HDAC9: variants seen among roughly 807,000 people sequenced by gnomAD.
HDAC9 encodes the protein histone deacetylase 9.
In HDAC9, 41 loss-of-function variants were observed where a neutral mutation model predicts 139.4. The observed-to-expected ratio is 0.29, with a 90% CI of 0.23 to 0.38. The LOEUF (loss-of-function observed/expected upper bound fraction) is 0.38, where lower values mean the gene tolerates loss of function less well. HDAC9 is among the 10% of genes least tolerant of loss of function. HDAC9 has a pLI of 1.00. For missense variants in HDAC9, 1,147 were observed against 1,297.0 expected, an observed-to-expected ratio of 0.88 and a Z score of 1.78; for synonymous variants, 517 against 476.2, an observed-to-expected ratio of 1.09 and a Z score of -1.12.
chr7:18,218,089 A>G (rs1187783159), intron 2 of HDAC9, among the ~76,000 whole-genome samples: 1 of 152,150 alleles, frequency 6.6e-6, no homozygotes, highest in East Asian at 1.9e-4. Flanking sequence ...CTTGCTGCAG[A>G]GTGAGTGATC....
In HDAC9 at chr7:18,938,230, CAAA is replaced by C. The variant is rs71553939; in HGVS notation, c.2937+2310_2937+2312del. Among the ~76,000 whole-genome samples the C allele has an allele frequency of 3.8e-3, 286 of 75,322 alleles. 1 individual carries two copies. The highest frequency in any genetic ancestry group is 0.014 in the African/African-American group (274 of 19,374). 49.4% of individuals were successfully genotyped at this position (75,322 alleles called of 152,430 possible). A position where few individuals can be genotyped will look rare whatever the true frequency, so the allele number is the denominator to read the frequency against. On this transcript the variant is annotated intron_variant, in intron 23 of 25. Coordinates refer to ENST00000686413, the MANE Select transcript of HDAC9 (RefSeq NM_178425.4). Reference sequence around the variant, plus strand: ...TGGGCGACAGAGCGAGACTCCGTCTCAAAAAAAAAAAAAAAAAAAAAAAATTGA... The same window carrying C: ...TGGGCGACAGAGCGAGACTCCGTCTCAAAAAAAAAAAAAAAAAAAAATTGA...
At chr7:18,824,200 G>T (rs957681434) in intron 17 of HDAC9, among the ~76,000 whole-genome samples, 1 of 152,120 alleles carries the variant, frequency 6.6e-6, no homozygotes, top group African/African-American at 2.4e-5. Flanking sequence ...TCTGCAAGCC[G>T]CAAAGAGAGC....
At chr7:18,288,965 G>A (rs745743793), upstream of HDAC9, among the ~76,000 whole-genome samples, 60 of 152,164 alleles carry the variant, frequency 3.9e-4, 1 homozygote, top group Non-Finnish European at 7.6e-4. Context: ...AGGGGACAAT[G>A]AAGCAAAGTT....
intron 25 of HDAC9, among the ~76,000 whole-genome samples, chr7:18,986,644 C>G (rs1785380552): frequency 6.6e-6 from 1 of 151,598 alleles, no homozygotes; most frequent in Non-Finnish European, 1.5e-5. Flanking sequence ...GGCATTGAAT[C>G]TGTAAATTAC....
At chr7:18,644,612 A>G in intron 8 of HDAC9, 59 bp from the exon 9 acceptor site, 1 of 1,489,564 alleles carries the variant, frequency 6.7e-7, no homozygotes. Flanking sequence ...AAATGAGAAC[A>G]TTTTACAGTA....
chr7:18,393,125 AT>A (rs66516361), intron 1 of HDAC9, among the ~76,000 whole-genome samples: 82,370 of 149,322 alleles, frequency 0.55, 24,862 homozygotes, highest in Non-Finnish European at 0.67. Flanking sequence ...GATAAAATGG[AT>A]TTTTTTTTTT....
chr7:18,807,036 A>T (rs12699983), intron 17 of HDAC9, among the ~76,000 whole-genome samples: 1 of 151,972 alleles, frequency 6.6e-6, no homozygotes, highest in Non-Finnish European at 1.5e-5. Flanking sequence ...ATTTGCATTA[A>T]TTCTTTAAAT....
At chr7:18,175,131 C>T (rs936028351) in intron 2 of HDAC9, among the ~76,000 whole-genome samples, 1 of 152,202 alleles carries the variant, frequency 6.6e-6, no homozygotes, top group African/African-American at 2.4e-5. Flanking sequence ...GCTTCCTGAG[C>T]ACTTTGTTTA....
At chr7:18,281,868 CTT>C (rs988069537) in intron 2 of HDAC9, among the ~76,000 whole-genome samples, 6 of 152,212 alleles carry the variant, frequency 3.9e-5, no homozygotes, top group Non-Finnish European at 5.9e-5. Context: ...CCCTGACTGA[CTT>C]TTAAGATTAA....
chr7:18,544,317 C>T (rs1449959897), intron 2 of HDAC9, among the ~76,000 whole-genome samples: 1 of 152,136 alleles, frequency 6.6e-6, no homozygotes, highest in Non-Finnish European at 1.5e-5. Context: ...AAGTTTTGGG[C>T]TTCAATAATT....
chr7:18,651,641 C>A (rs187269476), intron 11 of HDAC9, among the ~76,000 whole-genome samples: 1 of 151,896 alleles, frequency 6.6e-6, no homozygotes, highest in Admixed American at 6.6e-5. Context: ...TTTTTCATAT[C>A]TTGCTATTAT....
chr7:18,276,513 G>T (rs1164223048), intron 2 of HDAC9, among the ~76,000 whole-genome samples: 2 of 152,096 alleles, frequency 1.3e-5, no homozygotes, highest in Non-Finnish European at 2.9e-5. Flanking sequence ...CGAGTTTTCA[G>T]GAGTGTTCTG....
At chr7:18,296,661 T>G (rs561948642) in intron 1 of HDAC9, among the ~76,000 whole-genome samples, 1 of 152,142 alleles carries the variant, frequency 6.6e-6, no homozygotes, top group African/African-American at 2.4e-5. Context: ...GCCTGTAGGA[T>G]GGATTGGAAA....
upstream of HDAC9, among the ~76,000 whole-genome samples, chr7:18,495,190 G>A (rs1243968838): frequency 6.6e-6 from 1 of 152,016 alleles, no homozygotes; most frequent in Non-Finnish European, 1.5e-5. Flanking sequence ...TAGTGCTACA[G>A]CCAACTGCAG....
At chr7:18,993,924 A>G (rs1398879178) in intron 25 of HDAC9, among the ~76,000 whole-genome samples, 2 of 152,242 alleles carry the variant, frequency 1.3e-5, no homozygotes, top group African/African-American at 4.8e-5. Flanking sequence ...AGGTCAATAT[A>G]AAATGATTTC....
intron 2 of HDAC9, among the ~76,000 whole-genome samples, chr7:18,514,471 C>T (rs1161536261): frequency 6.6e-6 from 1 of 152,152 alleles, no homozygotes; most frequent in East Asian, 1.9e-4. Flanking sequence ...AAAATTCGGA[C>T]TTATTTTGGG....
chr7:18,228,277 A>G (rs1301566884), intron 2 of HDAC9, among the ~76,000 whole-genome samples: 1 of 148,924 alleles, frequency 6.7e-6, no homozygotes, highest in African/African-American at 2.5e-5. Context: ...AAGAAAAATG[A>G]TCCCAGAAGT....
intron 2 of HDAC9, among the ~76,000 whole-genome samples, chr7:18,270,461 A>G (rs1796284331): frequency 6.6e-6 from 1 of 152,150 alleles, no homozygotes; most frequent in Non-Finnish European, 1.5e-5. Context: ...ATGCTTAATA[A>G]TATAGAAAAG....
intron 1 of HDAC9, among the ~76,000 whole-genome samples, chr7:18,351,943 A>G (rs1303251643): frequency 6.6e-6 from 1 of 152,226 alleles, no homozygotes; most frequent in African/African-American, 2.4e-5. Context: ...ATACAAGGTT[A>G]TCCACTATTG....
Sources: gnomAD v4.1 joint callset for allele counts (sites outside exome capture counted in the v4.1 genomes callset) on GRCh38, gnomAD v4.1.1 for gene constraint, MANE v1.5 for transcripts, NCBI Gene and HGNC (gene_info 2026-07-23, HGNC 2026-07-21) for gene names.